Variants in DGKB observed in about 807,000 individuals in gnomAD.
DGKB encodes the protein diacylglycerol kinase beta.
A neutral mutation model predicts 114.3 loss-of-function variants in DGKB; 67 were observed. The observed-to-expected ratio is 0.59, with a 90% CI of 0.48 to 0.72. The LOEUF (loss-of-function observed/expected upper bound fraction) is 0.72, where lower values mean the gene tolerates loss of function less well. Among genes scored for constraint, DGKB ranks in the 30% least tolerant of loss-of-function variants. DGKB has a pLI of 0.00. For synonymous variants in DGKB, 398 were observed against 323.1 expected (o/e 1.23, Z -2.49); for missense variants, 907 against 975.2 (o/e 0.93, Z 0.93).
intron 1 of DGKB, among the ~76,000 whole-genome samples, chr7:14,932,712 G>A (rs1353522565): frequency 1.3e-5 from 2 of 152,082 alleles, no homozygotes; most frequent in Admixed American, 1.3e-4. Context: ...AACAATATAG[G>A]ATCTAAAAGA....
intron 2 of DGKB, among the ~76,000 whole-genome samples, chr7:14,803,117 C>T (rs1177325776): frequency 1.3e-5 from 2 of 151,118 alleles, no homozygotes; most frequent in African/African-American, 4.9e-5. Context: ...TACTCATTTA[C>T]TTATTTTAGA....
At chr7:14,791,504 C>A (rs2215432) in intron 2 of DGKB, among the ~76,000 whole-genome samples, 1 of 151,702 alleles carries the variant, frequency 6.6e-6, no homozygotes, top group East Asian at 1.9e-4. Flanking sequence ...CCAATGTTTG[C>A]AGAAAAGCCT....
intron 23 of DGKB, among the ~76,000 whole-genome samples, chr7:14,207,548 A>G (rs1413532964): frequency 6.6e-6 from 1 of 152,036 alleles, no homozygotes; most frequent in African/African-American, 2.4e-5. Context: ...CAGGCAATGT[A>G]CTTGGTGAGT....
At chr7:14,302,568 A>G (rs796257336) in intron 23 of DGKB, among the ~76,000 whole-genome samples, 12 of 152,162 alleles carry the variant, frequency 7.9e-5, no homozygotes, top group African/African-American at 2.2e-4. Context: ...GCTCTTGTTC[A>G]AAAGGACAAA....
chr7:14,825,399 C>T (rs950874622), intron 2 of DGKB, among the ~76,000 whole-genome samples: 1 of 151,966 alleles, frequency 6.6e-6, no homozygotes, highest in Non-Finnish European at 1.5e-5. Flanking sequence ...TCAGTGGGAG[C>T]CCTACGCTTG....
In DGKB at chr7:14,618,015, T is replaced by C. The variant is rs182601229; in HGVS notation, c.1284+3363A>G. 2.6e-5 allele frequency among the ~76,000 whole-genome samples: 4 copies of C among 151,712 alleles called. No homozygotes were observed. In the East Asian group the frequency reaches 7.8e-4, roughly 29 times the overall value. On this transcript the variant is annotated intron_variant, in intron 15 of 25. Transcript: ENST00000402815. ...TAAAGGTTGCTATAATGCTCAAAAC[T>C]ATAGAGTAACAATTCTGGGTTTACA...
chr7:14,324,809 G>A (rs1808439109), intron 23 of DGKB, among the ~76,000 whole-genome samples: 1 of 132,818 alleles, frequency 7.5e-6, no homozygotes. Flanking sequence ...CAGTTTCCCT[G>A]AGAGTTGCAA....
intron 23 of DGKB, among the ~76,000 whole-genome samples, chr7:14,212,374 C>CAT (rs1562633749): frequency 5.9e-5 from 3 of 51,066 alleles, no homozygotes; most frequent in Admixed American, 2.9e-4. Context: ...ATTTTACTCT[C>CAT]GTGTTTTGTG....
intron 25 of DGKB, among the ~76,000 whole-genome samples, chr7:14,167,358 C>G (rs1784761752): frequency 2.0e-5 from 3 of 152,018 alleles, no homozygotes; most frequent in Admixed American, 2.0e-4. Flanking sequence ...GGGGGGAGTC[C>G]TACTCCTTTT....
chr7:14,860,328 C>A (rs181859252), intron 1 of DGKB, among the ~76,000 whole-genome samples: 7 of 152,116 alleles, frequency 4.6e-5, no homozygotes, highest in Admixed American at 3.9e-4. Flanking sequence ...TAATTCATCA[C>A]CTGCCTTGTA....
intron 23 of DGKB, among the ~76,000 whole-genome samples, chr7:14,273,813 TA>T (rs1050678967): frequency 2.0e-5 from 3 of 152,216 alleles, no homozygotes; most frequent in African/African-American, 7.2e-5. Context: ...TTTACTTTTT[TA>T]AAATTTAGTT....
At chr7:14,936,657 C>A (rs1785285733) in intron 1 of DGKB, among the ~76,000 whole-genome samples, 1 of 152,174 alleles carries the variant, frequency 6.6e-6, no homozygotes, top group East Asian at 1.9e-4. Context: ...CAGGGCAGGC[C>A]TGTTTGCGGG....
intron 3 of DGKB, among the ~76,000 whole-genome samples, chr7:14,756,921 A>G (rs1834958699): frequency 6.6e-6 from 1 of 152,094 alleles, no homozygotes; most frequent in South Asian, 2.1e-4. Context: ...TTTAAAATGT[A>G]ACATCTCTCA....
At chr7:14,484,276 T>A (rs572098249) in intron 20 of DGKB, among the ~76,000 whole-genome samples, 38 of 152,180 alleles carry the variant, frequency 2.5e-4, no homozygotes, top group South Asian at 8.3e-4. Flanking sequence ...AGGTAAAAAT[T>A]GTTGTTTTGA....
At chr7:14,627,823 A>G (rs964982412) in intron 14 of DGKB, among the ~76,000 whole-genome samples, 1 of 151,782 alleles carries the variant, frequency 6.6e-6, no homozygotes, top group Non-Finnish European at 1.5e-5. Flanking sequence ...TGCGCCTATG[A>G]TCCCAGCTAC....
chr7:14,946,743 G>T (rs1785904697), intron 1 of DGKB, among the ~76,000 whole-genome samples: 1 of 151,624 alleles, frequency 6.6e-6, no homozygotes, highest in South Asian at 2.1e-4. Flanking sequence ...AGCCTCTTCG[G>T]TCTTCTGAAA....
At chr7:14,802,749 A>T (rs1469677849) in intron 2 of DGKB, among the ~76,000 whole-genome samples, 1 of 152,148 alleles carries the variant, frequency 6.6e-6, no homozygotes, top group Non-Finnish European at 1.5e-5. Flanking sequence ...AAAATCACAG[A>T]TTTACTAAAA....
At chr7:14,337,569 C>T (rs1810910370) in intron 23 of DGKB, among the ~76,000 whole-genome samples, 3 of 152,064 alleles carry the variant, frequency 2.0e-5, no homozygotes, top group African/African-American at 7.2e-5. Context: ...TACTCAAAGA[C>T]ACCAAAACAT....
chr7:14,576,413 A>G (rs1799126001), intron 19 of DGKB, among the ~76,000 whole-genome samples: 2 of 151,908 alleles, frequency 1.3e-5, no homozygotes, highest in African/African-American at 4.8e-5. Flanking sequence ...ATACATATAT[A>G]TATTATTTTA....
Sources: allele counts gnomAD v4.1 joint callset (sites outside exome capture counted in the v4.1 genomes callset), GRCh38; gene constraint gnomAD v4.1.1; transcripts MANE v1.5; gene names NCBI Gene and HGNC (gene_info 2026-07-23, HGNC 2026-07-21).